EXOC4: variants seen among roughly 807,000 people sequenced by gnomAD.
The protein encoded by EXOC4 is SEC8-like 1.
A neutral mutation model predicts 107.2 loss-of-function variants in EXOC4; 71 were observed. The observed-to-expected ratio is 0.66, with a 90% CI of 0.55 to 0.81. The LOEUF is 0.81. Among genes scored for constraint, EXOC4 ranks in the 30% least tolerant of loss-of-function variants. The pLI is 0.00. For synonymous variants in EXOC4, 456 were observed against 441.2 expected, an observed-to-expected ratio of 1.03 and a Z score of -0.42; for missense variants, 1,108 against 1,189.6, an observed-to-expected ratio of 0.93 and a Z score of 1.01.
At chr7:133,655,679 C>G (rs1275695405) in intron 10 of EXOC4, among the ~76,000 whole-genome samples, 1 of 152,174 alleles carries the variant, frequency 6.6e-6, no homozygotes. Context: ...CTTGTCCCAC[C>G]AGAAGGTCTT....
At chr7:133,370,326 T>A (rs1796346713) in intron 6 of EXOC4, among the ~76,000 whole-genome samples, 2 of 152,036 alleles carry the variant, frequency 1.3e-5, no homozygotes, top group Non-Finnish European at 2.9e-5. Flanking sequence ...TTTTATTTTA[T>A]ACATTTTAGG....
At chr7:133,843,224 A>G (rs1396020380) in intron 11 of EXOC4, among the ~76,000 whole-genome samples, 1 of 152,090 alleles carries the variant, frequency 6.6e-6, no homozygotes, top group African/African-American at 2.4e-5. Flanking sequence ...TGGTAGTTTG[A>G]TAGGAATAGC....
At chr7:134,085,913 A>G in the EXOC4 span, among the ~76,000 whole-genome samples, 9 of 152,218 alleles carry the variant, frequency 5.9e-5, no homozygotes, top group African/African-American at 1.9e-4. Flanking sequence ...GGAAGGCCAT[A>G]CACATGGCAG....
intron 13 of EXOC4, among the ~76,000 whole-genome samples, chr7:133,931,807 G>T (rs1316825805): frequency 6.6e-6 from 1 of 152,242 alleles, no homozygotes; most frequent in Non-Finnish European, 1.5e-5. Context: ...TGATGTGTTT[G>T]TGTCTTTCTT....
intron 7 of EXOC4, 48 bp downstream of exon 7, chr7:133,375,050 TAG>T: frequency 6.6e-7 from 1 of 1,508,092 alleles, no homozygotes; most frequent in Non-Finnish European, 9.1e-7. Context: ...AGTAACAGTT[TAG>T]AATAACAACA....
chr7:133,936,816 C>T (rs779780562), intron 13 of EXOC4, among the ~76,000 whole-genome samples: 1 of 152,052 alleles, frequency 6.6e-6, no homozygotes, highest in African/African-American at 2.4e-5. Flanking sequence ...CATGCCGGCA[C>T]GCCTGGCTAA....
At chr7:133,781,713 C>T (rs539163089) in intron 10 of EXOC4, among the ~76,000 whole-genome samples, 9 of 152,288 alleles carry the variant, frequency 5.9e-5, no homozygotes, top group Admixed American at 1.3e-4. Flanking sequence ...TTCACCTCTT[C>T]GAGTCTCCCA....
intron 14 of EXOC4, among the ~76,000 whole-genome samples, chr7:133,941,710 T>C (rs776628621): frequency 3.9e-5 from 6 of 152,106 alleles, no homozygotes; most frequent in Admixed American, 6.5e-5. Context: ...ACAGACTTAA[T>C]TGAAGGAAAA....
At chr7:133,606,517 A>ATTATTAT (rs781270561) in intron 9 of EXOC4, among the ~76,000 whole-genome samples, 16 of 136,930 alleles carry the variant, frequency 1.2e-4, no homozygotes, top group African/African-American at 4.5e-4. Context: ...TATTATTATT[A>ATTATTAT]TTTTTTTTTT....
At chr7:133,780,326 T>A (rs1050838203) in intron 10 of EXOC4, among the ~76,000 whole-genome samples, 1 of 152,100 alleles carries the variant, frequency 6.6e-6, no homozygotes, top group African/African-American at 2.4e-5. Flanking sequence ...AGCCATACTT[T>A]TAGCGTTTTT....
intron 12 of EXOC4, among the ~76,000 whole-genome samples, chr7:133,898,561 C>T (rs936649546): frequency 4.7e-4 from 71 of 152,016 alleles, no homozygotes; most frequent in African/African-American, 1.4e-3. Context: ...CTGGTTAACA[C>T]GGTGAAACCC....
At chr7:134,025,248 T>G (rs1795115091) in intron 17 of EXOC4, among the ~76,000 whole-genome samples, 1 of 152,194 alleles carries the variant, frequency 6.6e-6, no homozygotes, top group African/African-American at 2.4e-5. Flanking sequence ...ACTATTGAAG[T>G]TTCAACCCAC....
At chr7:133,932,574 A>G (rs1800203894) in intron 13 of EXOC4, among the ~76,000 whole-genome samples, 1 of 152,158 alleles carries the variant, frequency 6.6e-6, no homozygotes, top group Admixed American at 6.5e-5. Flanking sequence ...CCAAATATAT[A>G]CACACATTTC....
intron 7 of EXOC4, among the ~76,000 whole-genome samples, chr7:133,378,286 G>A (rs1796533762): frequency 6.7e-6 from 1 of 150,190 alleles, no homozygotes; most frequent in African/African-American, 2.5e-5. Context: ...CTCCAGCCTG[G>A]GCGGCAGAGT....
chr7:133,763,501 A>G (rs1263666558), intron 10 of EXOC4, among the ~76,000 whole-genome samples: 1 of 152,118 alleles, frequency 6.6e-6, no homozygotes, highest in African/African-American at 2.4e-5. Context: ...TGTTGGCCAG[A>G]TTATGTAACC....
intron 16 of EXOC4, 61 bp from the exon 17 acceptor site, chr7:134,007,615 T>G: frequency 6.8e-7 from 1 of 1,480,482 alleles, no homozygotes; most frequent in Non-Finnish European, 9.0e-7. Context: ...TGCAAGTTTC[T>G]GCAGGAATGC....
At chr7:133,525,332 CT>C (rs2150915527) in intron 9 of EXOC4, among the ~76,000 whole-genome samples, 1 of 152,270 alleles carries the variant, frequency 6.6e-6, no homozygotes, top group African/African-American at 2.4e-5. Flanking sequence ...CCATTTCAAC[CT>C]TTACTTAGGT....
chr7:134,040,346 T>A (rs947885651), intron 17 of EXOC4, among the ~76,000 whole-genome samples: 1 of 152,258 alleles, frequency 6.6e-6, no homozygotes, highest in Non-Finnish European at 1.5e-5. Context: ...TTTAAACTTA[T>A]GTTCCCACTG....
chr7:133,829,224 C>G (rs1404159787), intron 11 of EXOC4, among the ~76,000 whole-genome samples: 1 of 152,118 alleles, frequency 6.6e-6, no homozygotes, highest in African/African-American at 2.4e-5. Flanking sequence ...ATAAGGTTAA[C>G]GGGGGCACAA....
Sources: gnomAD v4.1 joint callset for allele counts (sites outside exome capture counted in the v4.1 genomes callset) on GRCh38, gnomAD v4.1.1 for gene constraint, MANE v1.5 for transcripts, NCBI Gene and HGNC (gene_info 2026-07-23, HGNC 2026-07-21) for gene names.